ACOT7: variants seen among roughly 807,000 people sequenced by gnomAD.
ACOT7 encodes the protein cytosolic acyl coenzyme A thioester hydrolase.
ACOT7 carries 12 observed loss-of-function variants against 40.2 expected under a neutral mutation model. The ratio of observed to expected loss-of-function variants is 0.30; its 90% CI spans 0.19 to 0.48. The LOEUF (loss-of-function observed/expected upper bound fraction) is 0.48. Among genes scored for constraint, ACOT7 ranks in the 20% least tolerant of loss-of-function variants. The pLI, the probability that ACOT7 is intolerant of heterozygous loss-of-function variation, is 0.99. For synonymous variants in ACOT7, 228 were observed against 219.5 expected, an observed-to-expected ratio of 1.04 and a Z score of -0.34; for missense variants, 395 against 530.8, an observed-to-expected ratio of 0.74 and a Z score of 2.51.
intron 2 of ACOT7, among the ~76,000 whole-genome samples, chr1:6,349,261 T>C (rs1338993378): frequency 6.6e-6 from 1 of 152,212 alleles, no homozygotes; most frequent in Non-Finnish European, 1.5e-5. Context: ...GGCACAGTGG[T>C]ACCAGGCCTG....
intron 8 of ACOT7, among the ~76,000 whole-genome samples, chr1:6,268,435 T>A (rs2148361807): frequency 6.6e-6 from 1 of 152,326 alleles, no homozygotes; most frequent in Middle Eastern, 3.4e-3. Flanking sequence ...TAACTAGACC[T>A]AGATCTAGGA....
In ACOT7 at chr1:6,269,092, G is replaced by A. The variant is rs528162234; in HGVS notation, c.1015-4397C>T. 3.9e-3 allele frequency among the ~76,000 whole-genome samples: 593 copies of A among 152,318 alleles called. 3 individuals carry two copies. The highest frequency in any genetic ancestry group is 0.013 in the African/African-American group (558 of 41,558). ...AGGGTCTTCCCAACAACCCCACCAA[G>A]CAGCACAGAAATGATTGTCCACTTT... On this transcript the variant is annotated intron_variant, in intron 8 of 8. Coordinates refer to ENST00000361521, the MANE Select transcript of ACOT7 (RefSeq NM_007274.4).
chr1:6,364,051 G>C (rs1011859467), intron 1 of ACOT7, among the ~76,000 whole-genome samples: 2 of 152,026 alleles, frequency 1.3e-5, no homozygotes, highest in African/African-American at 4.8e-5. Context: ...ATGACAGAGC[G>C]AGACCTTGTC....
chr1:6,270,436 A>C (rs775601999), intron 8 of ACOT7, among the ~76,000 whole-genome samples: 11 of 152,114 alleles, frequency 7.2e-5, no homozygotes, highest in Non-Finnish European at 1.6e-4. Flanking sequence ...CCGGGCACCC[A>C]CCTGTGGCCT....
At chr1:6,337,153 G>T (rs765042167) in intron 3 of ACOT7, among the ~76,000 whole-genome samples, 1 of 152,262 alleles carries the variant, frequency 6.6e-6, no homozygotes, top group Non-Finnish European at 1.5e-5. Context: ...CCCCAGGGAG[G>T]AGGGGTGGGC....
intron 1 of ACOT7, among the ~76,000 whole-genome samples, chr1:6,369,577 CTTT>C (rs900231437): frequency 6.8e-6 from 1 of 147,120 alleles, no homozygotes; most frequent in African/African-American, 2.6e-5. Flanking sequence ...CAGCTAATTT[CTTT>C]TTTTTCTTTT....
chr1:6,370,627 T>A (rs1475695218), intron 1 of ACOT7, among the ~76,000 whole-genome samples: 1 of 150,932 alleles, frequency 6.6e-6, no homozygotes, highest in East Asian at 1.9e-4. Context: ...GTAGCTGGGA[T>A]TACAGGCATG....
At position 6,315,697 on chromosome 1, in the gene ACOT7, G is replaced by A. The variant is rs966210550; in HGVS notation, c.712+2795C>T. ...ACCCGGGAGGCAGAGCTTGCAGTGA[G>A]CCGAGATCACGCCACTACACTCCAG... On this transcript the variant is annotated intron_variant, in intron 6 of 8. Coordinates refer to ENST00000361521, the MANE Select transcript of ACOT7 (RefSeq NM_007274.4). Among the ~76,000 whole-genome samples, 18 of 145,600 alleles carry A rather than the reference G, an allele frequency of 1.2e-4. No homozygotes were observed. In the East Asian group the frequency reaches 3.4e-3, roughly 28 times the overall value.
At chr1:6,354,758 C>G (rs1406535700) in intron 1 of ACOT7, among the ~76,000 whole-genome samples, 1 of 70,118 alleles carries the variant, frequency 1.4e-5, no homozygotes, top group Non-Finnish European at 2.8e-5. Context: ...CCCATGGCCT[C>G]TACACTGGCC....
chr1:6,380,274 T>C (rs774217152), intron 1 of ACOT7, among the ~76,000 whole-genome samples: 1 of 151,338 alleles, frequency 6.6e-6, no homozygotes, highest in African/African-American at 2.4e-5. Context: ...TCAAATGATA[T>C]ATATGGTCAA....
intron 7 of ACOT7, among the ~76,000 whole-genome samples, chr1:6,292,765 T>A (rs1639706355): frequency 6.6e-6 from 1 of 150,410 alleles, no homozygotes; most frequent in South Asian, 2.1e-4. Context: ...CGCTGCAACC[T>A]CCACCTCCTG....
intron 1 of ACOT7, chr1:6,385,803 T>C: frequency 7.0e-7 from 1 of 1,419,854 alleles, no homozygotes; most frequent in South Asian, 1.5e-5. Flanking sequence ...CTCCTGCTCC[T>C]CCTAGGACCG....
At chr1:6,374,175 C>T (rs1024030320) in intron 1 of ACOT7, among the ~76,000 whole-genome samples, 1 of 152,218 alleles carries the variant, frequency 6.6e-6, no homozygotes, top group African/African-American at 2.4e-5. Flanking sequence ...AGGACAGAGG[C>T]CTGGTCCCCA....
chr1:6,393,459 G>C lies in ACOT7; in HGVS notation c.-60C>G. 8 of 1,024,364 alleles carry C rather than the reference G, an allele frequency of 7.8e-6. No homozygotes were observed. Among genetic ancestry groups the C allele is most frequent in the Non-Finnish European group, 6.9e-6 (6 of 872,502 alleles). 63.5% of individuals were successfully genotyped at this position (1,024,364 alleles called of 1,614,324 possible). On this transcript the variant is annotated 5_prime_UTR_variant, in exon 1 of 9. Transcript: ENST00000361521. ...GTGAGGCGGGGCCTGCGCGCCGGGG[G>C]CAATCGAACGCGGCCTCCCCGCGCC...
chr1:6,266,549 G>A (rs941685511), intron 8 of ACOT7, among the ~76,000 whole-genome samples: 4 of 152,268 alleles, frequency 2.6e-5, no homozygotes, highest in Non-Finnish European at 5.9e-5. Context: ...TGTGGCCCGC[G>A]GACCACATCT....
At position 6,359,686 on chromosome 1, in the gene ACOT7, C is replaced by T. The variant is rs573706162; in HGVS notation, c.144-9820G>A. 9.2e-5 allele frequency among the ~76,000 whole-genome samples: 14 copies of T among 152,340 alleles called. No homozygotes were observed. The highest frequency in any genetic ancestry group is 3.1e-4 in the African/African-American group (13 of 41,578). ...ATCACAGCGGCCAGGGTGCAGGCTA[C>T]AGGAGGCCCAGTGCAGGAGGCGGGA... is the stretch of plus-strand genomic sequence containing the variant. On this transcript the variant is annotated intron_variant, in intron 1 of 8. Transcript: ENST00000361521. This position sits in a 1 kb window ranked among gnomAD's most constrained non-coding sequence, Gnocchi z 4.1.
Position 6,274,581 on chromosome 1 carries a change from C to T in ACOT7, c.1014+6521G>A, listed in dbSNP as rs1057514302. On this transcript the variant is annotated intron_variant, in intron 8 of 8. Coordinates refer to ENST00000361521, the MANE Select transcript of ACOT7 (RefSeq NM_007274.4). This position sits in a 1 kb window ranked among gnomAD's most constrained non-coding sequence, Gnocchi z 5.9. The stretch of plus-strand genomic sequence containing the variant: ...GGAGGTCATAGGGCAGCAGCAGAAG[C>T]GAGGTGGGCACCATGTTCCAGAGCC... Among the ~76,000 whole-genome samples, 4 of 152,232 alleles carry T rather than the reference C, an allele frequency of 2.6e-5. No individual in the cohort carries two copies. The highest frequency in any genetic ancestry group is 4.8e-5 in the African/African-American group (2 of 41,454).
intron 6 of ACOT7, among the ~76,000 whole-genome samples, chr1:6,298,479 C>T (rs896967836): frequency 5.9e-5 from 9 of 152,142 alleles, no homozygotes; most frequent in Non-Finnish European, 7.4e-5. Context: ...AAATGAACAA[C>T]GGAGGCCCTA....
At chr1:6,296,056 T>C (rs1406450254) in intron 6 of ACOT7, among the ~76,000 whole-genome samples, 1 of 152,078 alleles carries the variant, frequency 6.6e-6, no homozygotes, top group East Asian at 1.9e-4. Flanking sequence ...AGGCACATGT[T>C]ACCACACCTG....
Sources: allele counts gnomAD v4.1 joint callset (sites outside exome capture counted in the v4.1 genomes callset), GRCh38; gene constraint gnomAD v4.1.1; non-coding constraint Gnocchi (gnomAD v3.1); transcripts MANE v1.5; gene names NCBI Gene and HGNC (gene_info 2026-07-23, HGNC 2026-07-21).